The following PDS5A variants were observed in gnomAD, a reference collection of about 807,000 sequenced individuals.
The protein encoded by PDS5A is PDS5 cohesin associated factor A.
In PDS5A, 42 loss-of-function variants were observed where a neutral mutation model predicts 167.1. The ratio of observed to expected loss-of-function variants is 0.25; its 90% confidence interval spans 0.20 to 0.33. The LOEUF (loss-of-function observed/expected upper bound fraction) is 0.33, where lower values mean the gene tolerates loss of function less well. PDS5A is among the 10% of genes least tolerant of loss of function. The probability of loss-of-function intolerance (pLI) is 1.00; values close to 1 mark genes in which losing one functional copy is unlikely to be tolerated. For synonymous variants in PDS5A, 553 were observed against 554.6 expected (o/e 1.00, Z 0.04); for missense variants, 1,033 against 1,605.9 (o/e 0.64, Z 6.10).
At chr4:39,886,127 CA>C (rs995564236) in intron 17 of PDS5A, among the ~76,000 whole-genome samples, 1 of 152,018 alleles carries the variant, frequency 6.6e-6, no homozygotes, top group African/African-American at 2.4e-5. Context: ...ATGAGCGGGC[CA>C]AAAAAGCACC....
intron 31 of PDS5A, among the ~76,000 whole-genome samples, chr4:39,839,272 A>T (rs1716725377): frequency 6.6e-6 from 1 of 151,878 alleles, no homozygotes; most frequent in Non-Finnish European, 1.5e-5. Flanking sequence ...CAAGAGATTG[A>T]TCTAAAAATG....
intron 2 of PDS5A, among the ~76,000 whole-genome samples, chr4:39,930,246 A>AAAAAAAAAAAAAAAAAAAAATTTTTT: frequency 2.1e-5 from 2 of 93,088 alleles, no homozygotes; most frequent in Non-Finnish European, 4.5e-5. Flanking sequence ...AAAAAAAAAA[A>AAAAAAAAAAAAAAAAAAAAATTTTTT]GTTTTTTTGT....
At chr4:39,864,000 C>T (rs1048898112) in intron 23 of PDS5A, among the ~76,000 whole-genome samples, 6 of 151,972 alleles carry the variant, frequency 3.9e-5, no homozygotes, top group East Asian at 1.9e-4. Flanking sequence ...TGTGGTGGCA[C>T]GCACTTGTAG....
chr4:39,908,732 C>G (rs1317040027), intron 10 of PDS5A, 192 bp from the exon 11 acceptor site: 1 of 554,662 alleles, frequency 1.8e-6, no homozygotes, highest in African/African-American at 1.9e-5. Context: ...GCACTTTAAA[C>G]TCCCAAGTTG....
At chr4:39,944,274 A>G (rs1038037449) in intron 2 of PDS5A, among the ~76,000 whole-genome samples, 1 of 152,098 alleles carries the variant, frequency 6.6e-6, no homozygotes, top group African/African-American at 2.4e-5. Context: ...CGCCTTCAAG[A>G]TAACCCACAA....
chr4:39,842,903 CTATTTTTATATATA>C (rs1284517771), intron 30 of PDS5A, among the ~76,000 whole-genome samples: 4 of 23,986 alleles, frequency 1.7e-4, no homozygotes, highest in African/African-American at 4.4e-4. Flanking sequence ...TAAACTTATC[CTATTTTTATATATA>C]TATATATATA....
chr4:39,882,563 T>C (rs996279264), intron 17 of PDS5A, among the ~76,000 whole-genome samples: 1 of 152,236 alleles, frequency 6.6e-6, no homozygotes, highest in South Asian at 2.1e-4. Context: ...TTTATAAATA[T>C]GTAAATACAT....
At chr4:39,924,148 G>A (rs1472964300) in intron 5 of PDS5A, among the ~76,000 whole-genome samples, 1 of 152,146 alleles carries the variant, frequency 6.6e-6, no homozygotes, top group Non-Finnish European at 1.5e-5. Context: ...CCTCCTGAAT[G>A]GATGAGACAT....
chr4:39,965,532 T>A (rs775878756), intron 2 of PDS5A, among the ~76,000 whole-genome samples: 1 of 152,226 alleles, frequency 6.6e-6, no homozygotes, highest in Non-Finnish European at 1.5e-5. Context: ...AAACAAAATG[T>A]GGTACATACA....
At chr4:39,976,888 A>T (rs1438631964) in intron 1 of PDS5A, among the ~76,000 whole-genome samples, 1 of 151,932 alleles carries the variant, frequency 6.6e-6, no homozygotes, top group Non-Finnish European at 1.5e-5. Flanking sequence ...TCACAATGAA[A>T]TCCACCCCCG....
At chr4:39,895,199 C>CAAAAAAAAAAA (rs34303340) in intron 16 of PDS5A, among the ~76,000 whole-genome samples, 1 of 93,428 alleles carries the variant, frequency 1.1e-5, no homozygotes, top group Non-Finnish European at 2.1e-5. Context: ...GACTCCGTCT[C>CAAAAAAAAAAA]AAAAAAAAAA....
At position 39,841,379 on chromosome 4, in the gene PDS5A, C is replaced by T. The variant is rs946118315; in HGVS notation, c.3657+569G>A. Among the ~76,000 whole-genome samples, 10 of 152,280 alleles carry T rather than the reference C, an allele frequency of 6.6e-5. No individual in the cohort carries two copies. The East Asian group carries it at 1.5e-3, about 24-fold the overall frequency. ...GTCTCAAACTACTCACCTCATGATCCACCCGCTTCAGCCTCCCAAAGTGCT... is the reference window on the plus strand; with the variant it reads ...GTCTCAAACTACTCACCTCATGATCTACCCGCTTCAGCCTCCCAAAGTGCT... On this transcript the variant is annotated intron_variant, in intron 31 of 32. Coordinates refer to ENST00000303538, the MANE Select transcript of PDS5A (RefSeq NM_001100399.2).
intron 17 of PDS5A, among the ~76,000 whole-genome samples, chr4:39,889,564 T>C (rs1048201412): frequency 4.6e-5 from 7 of 152,222 alleles, no homozygotes; most frequent in Non-Finnish European, 8.8e-5. Flanking sequence ...ATAGCTTATC[T>C]ACTGGAAAAA....
chr4:39,923,638 A>AACACACACACACAC (rs10664167), intron 5 of PDS5A, among the ~76,000 whole-genome samples: 4,176 of 125,144 alleles, frequency 0.033, 98 homozygotes, highest in Middle Eastern at 0.056. Context: ...CCTGTCTCAA[A>AACACACACACACAC]ACACACACAC....
intron 2 of PDS5A, among the ~76,000 whole-genome samples, chr4:39,961,848 T>A (rs1729506081): frequency 6.6e-6 from 1 of 152,236 alleles, no homozygotes; most frequent in Non-Finnish European, 1.5e-5. Flanking sequence ...GATATATAAA[T>A]CATAGTATTG....
intron 2 of PDS5A, among the ~76,000 whole-genome samples, chr4:39,938,321 G>A (rs945135642): frequency 5.9e-5 from 9 of 152,198 alleles, no homozygotes; most frequent in Middle Eastern, 3.4e-3. Flanking sequence ...TTGGGAGGCC[G>A]AGGTGGGTGG....
intron 2 of PDS5A, among the ~76,000 whole-genome samples, chr4:39,969,427 G>A (rs1347681039): frequency 1.3e-5 from 2 of 152,180 alleles, no homozygotes; most frequent in African/African-American, 4.8e-5. Flanking sequence ...AGCACTTTGG[G>A]AGGTCGAGGT....
rs1239269268 is a variant in PDS5A, at chr4:39,896,626, C to T, written c.1770+1763G>A. ...TACAAAAAATAAAAAATTAGCTGGG[C>T]ATGGTGGCATGTGCCTATAGTCCCA... On this transcript the variant is annotated intron_variant, in intron 16 of 32. Transcript: ENST00000303538. Among the ~76,000 whole-genome samples the T allele has an allele frequency of 4.0e-5, 6 of 151,842 alleles. No individual in the cohort carries two copies. In the East Asian group the frequency reaches 5.8e-4, roughly 15 times the overall value.
At chr4:39,945,034 G>A (rs1327287161) in intron 2 of PDS5A, among the ~76,000 whole-genome samples, 1 of 152,028 alleles carries the variant, frequency 6.6e-6, no homozygotes, top group Non-Finnish European at 1.5e-5. Context: ...CTATGCGTCA[G>A]GTACATTTCA....
Sources: gnomAD v4.1 joint callset for allele counts (sites outside exome capture counted in the v4.1 genomes callset) on GRCh38, gnomAD v4.1.1 for gene constraint, MANE v1.5 for transcripts, NCBI Gene and HGNC (gene_info 2026-07-23, HGNC 2026-07-21) for gene names.